EIPR1: variants seen among roughly 807,000 people sequenced by gnomAD.
The protein encoded by EIPR1 is EARP complex and GARP complex interacting protein 1, also known as EARP and GARP complex-interacting protein 1.
A neutral mutation model predicts 48.1 loss-of-function variants in EIPR1; 25 were observed. The ratio of observed to expected loss-of-function variants is 0.52; its 90% CI spans 0.38 to 0.73. The LOEUF (loss-of-function observed/expected upper bound fraction) is 0.73. EIPR1 is among the 30% of genes least tolerant of loss of function. The pLI is 0.00. For missense variants in EIPR1, 415 were observed against 506.2 expected (o/e 0.82, Z 1.73); for synonymous variants, 204 against 201.9 (o/e 1.01, Z -0.09).
At chr2:3,363,818 A>C (rs897632972) in intron 1 of EIPR1, among the ~76,000 whole-genome samples, 4 of 151,366 alleles carry the variant, frequency 2.6e-5, no homozygotes, top group African/African-American at 4.8e-5. Context: ...AAAAAAAAAA[A>C]CACCAAAATA....
chr2:3,269,220 C>T (rs934579801), intron 3 of EIPR1, among the ~76,000 whole-genome samples: 3 of 151,990 alleles, frequency 2.0e-5, no homozygotes, highest in African/African-American at 7.3e-5. Context: ...AATCATCGCA[C>T]TCAATCATCG....
chr2:3,335,267 A>G (rs1033608442), intron 3 of EIPR1, among the ~76,000 whole-genome samples: 14 of 152,208 alleles, frequency 9.2e-5, no homozygotes, highest in African/African-American at 3.4e-4. Flanking sequence ...TATAATGACT[A>G]TGGAAGCCGG....
rs1385034324 is a variant in EIPR1, at chr2:3,199,065, CCCCCCCG to C, written c.517-2055_517-2049del. 1.3e-3 allele frequency among the ~76,000 whole-genome samples: 64 copies of C among 47,958 alleles called. 24 individuals carry two copies. Among genetic ancestry groups the C allele is most frequent in the Non-Finnish European group, 3.5e-3 (51 of 14,534 alleles). 31.5% of individuals were successfully genotyped at this position (47,958 alleles called of 152,430 possible). The stretch of plus-strand genomic sequence containing the variant: ...CCAGAGTGGCCATTTTAGAGGGCCC[CCCCCCCG>C]CCCCGGGAATGCATTCTTTTCCCGG... On this transcript the variant is annotated intron_variant, in intron 5 of 8. Transcript: ENST00000382125.
intron 3 of EIPR1, among the ~76,000 whole-genome samples, chr2:3,291,782 C>T (rs1220156563): frequency 1.3e-5 from 2 of 152,176 alleles, no homozygotes; most frequent in East Asian, 3.8e-4. Context: ...AAAGAGCAAA[C>T]CAAAGTTCTC....
At chr2:3,281,909 G>T (rs1320170602) in intron 3 of EIPR1, among the ~76,000 whole-genome samples, 1 of 152,184 alleles carries the variant, frequency 6.6e-6, no homozygotes, top group African/African-American at 2.4e-5. Flanking sequence ...GTTTCTGCGG[G>T]ATGATAGAGA....
intron 4 of EIPR1, among the ~76,000 whole-genome samples, chr2:3,243,115 C>T (rs1295785900): frequency 2.0e-5 from 3 of 152,212 alleles, no homozygotes; most frequent in Non-Finnish European, 2.9e-5. Context: ...TTTACTCAGA[C>T]ATCTCTCACT....
At position 3,283,313 on chromosome 2, in the gene EIPR1, GC is replaced by G. The variant is rs1668071564; in HGVS notation, c.260-25859del. Reference sequence around the variant, plus strand: ...CCAGCAGCATGGCGCACTGGTCCGAGCAGCCAAGTAACACTGCGCCAACAAA... The same window carrying G: ...CCAGCAGCATGGCGCACTGGTCCGAGAGCCAAGTAACACTGCGCCAACAAA... On this transcript the variant is annotated intron_variant, in intron 3 of 8. Coordinates refer to ENST00000382125, the MANE Select transcript of EIPR1 (RefSeq NM_003310.5). Among the ~76,000 whole-genome samples, 2 of 152,176 alleles carry G rather than the reference GC, an allele frequency of 1.3e-5. 1 individual carries two copies. Among genetic ancestry groups the G allele is most frequent in the African/African-American group, 4.8e-5 (2 of 41,424 alleles).
At chr2:3,195,798 GA>G (rs1217655084) in intron 6 of EIPR1, among the ~76,000 whole-genome samples, 2 of 152,192 alleles carry the variant, frequency 1.3e-5, no homozygotes, top group Non-Finnish European at 2.9e-5. Context: ...CAGTCAATGA[GA>G]AGGCGCCAGG....
At chr2:3,194,614 T>A (rs1395914131) in intron 6 of EIPR1, among the ~76,000 whole-genome samples, 1 of 151,660 alleles carries the variant, frequency 6.6e-6, no homozygotes, top group Non-Finnish European at 1.5e-5. Flanking sequence ...TTGGGAAATT[T>A]TATATATATA....
intron 1 of EIPR1, among the ~76,000 whole-genome samples, chr2:3,370,497 T>G (rs1671087800): frequency 6.6e-6 from 1 of 152,012 alleles, no homozygotes; most frequent in African/African-American, 2.4e-5. Context: ...TGAAAAAAAT[T>G]TAGACGAATG....
intron 3 of EIPR1, among the ~76,000 whole-genome samples, chr2:3,264,761 C>T (rs1010817013): frequency 6.6e-6 from 1 of 152,224 alleles, no homozygotes; most frequent in Non-Finnish European, 1.5e-5. Context: ...CATCTCGGCT[C>T]ACTGCAACCT....
chr2:3,305,482 CGTCAGTTCAGCCCTCCACTCCT>C, intron 3 of EIPR1, among the ~76,000 whole-genome samples: 1 of 150,664 alleles, frequency 6.6e-6, no homozygotes, highest in Non-Finnish European at 1.5e-5. Context: ...CCTCCACTCC[CGTCAGTTCAGCCCTCCACTCCT>C]GTCCAGTTCA....
chr2:3,290,555 T>C (rs1335765165), intron 3 of EIPR1, among the ~76,000 whole-genome samples: 1 of 152,192 alleles, frequency 6.6e-6, no homozygotes, highest in Non-Finnish European at 1.5e-5. Flanking sequence ...CTTAAAAAAA[T>C]AGACTTAGTC....
chr2:3,343,335 C>T (rs1483923880), intron 2 of EIPR1, among the ~76,000 whole-genome samples: 2 of 152,202 alleles, frequency 1.3e-5, no homozygotes, highest in African/African-American at 2.4e-5. Flanking sequence ...AATAAACATA[C>T]GCAGGTACAG....
chr2:3,310,515 T>C (rs925083720), intron 3 of EIPR1, among the ~76,000 whole-genome samples: 28 of 144,268 alleles, frequency 1.9e-4, no homozygotes, highest in Non-Finnish European at 3.5e-4. Context: ...TAGCCGGGCG[T>C]AGTGGCGGGC....
At chr2:3,296,491 CCA>C (rs1668602795) in intron 3 of EIPR1, among the ~76,000 whole-genome samples, 1 of 128,884 alleles carries the variant, frequency 7.8e-6, no homozygotes, top group Admixed American at 7.9e-5. Flanking sequence ...CCCATCCTCT[CCA>C]CACACACCCT....
chr2:3,375,939 C>T (rs1659860367), intron 1 of EIPR1, among the ~76,000 whole-genome samples: 1 of 152,134 alleles, frequency 6.6e-6, no homozygotes, highest in Non-Finnish European at 1.5e-5. Context: ...GTTTATTATA[C>T]AGGACACTTA....
Position 3,377,591 on chromosome 2 carries a change from C to A in EIPR1, c.42+57G>T, listed in dbSNP as rs1401922119. 8.4e-6 allele frequency: 13 copies of A among 1,549,812 alleles called. No homozygotes were observed. The East Asian group carries it at 2.2e-4, about 26-fold the overall frequency. ...CTGCAAACCGAAGTCACCATGGGAC[C>A]GCGCATGCTATCAACAGCCAGGCCG... On this transcript the variant is annotated intron_variant, in intron 1 of 8. Transcript: ENST00000382125.
At chr2:3,366,593 A>C (rs1354282743) in intron 1 of EIPR1, among the ~76,000 whole-genome samples, 2 of 152,188 alleles carry the variant, frequency 1.3e-5, no homozygotes, top group Non-Finnish European at 2.9e-5. Flanking sequence ...AAAATCAAGA[A>C]GTGAGTGTTC....
Sources: allele counts gnomAD v4.1 joint callset (sites outside exome capture counted in the v4.1 genomes callset), GRCh38; gene constraint gnomAD v4.1.1; transcripts MANE v1.5; gene names NCBI Gene and HGNC (gene_info 2026-07-23, HGNC 2026-07-21).